Variants in MLIP observed in about 807,000 individuals in gnomAD.
MLIP encodes the protein muscular LMNA-interacting protein.
MLIP carries 79 observed loss-of-function variants against 84.8 expected under a neutral mutation model. The ratio of observed to expected loss-of-function variants is 0.93; its 90% CI spans 0.78 to 1.12. MLIP has a LOEUF of 1.12. Ranked by LOEUF, MLIP falls within the 50% of genes most tolerant of loss-of-function variation. The probability of loss-of-function intolerance (pLI) is 0.00; values close to 1 mark genes in which losing one functional copy is unlikely to be tolerated. For missense variants in MLIP, 1,257 were observed against 1,160.6 expected, an observed-to-expected ratio of 1.08 and a Z score of -1.21; for synonymous variants, 504 against 463.0, an observed-to-expected ratio of 1.09 and a Z score of -1.14.
intron 9 of MLIP, among the ~76,000 whole-genome samples, chr6:54,188,213 A>G (rs1246145787): frequency 6.6e-6 from 1 of 152,154 alleles, no homozygotes; most frequent in Admixed American, 6.5e-5. Context: ...AATGTGAAGA[A>G]CTAAGGTTAT....
intron 9 of MLIP, among the ~76,000 whole-genome samples, chr6:54,185,553 C>A (rs748345343): frequency 8.6e-5 from 13 of 151,958 alleles, no homozygotes; most frequent in Non-Finnish European, 1.9e-4. Context: ...CTCTTTTCCC[C>A]ATGATAATAA....
chr6:54,103,788 GC>G (rs1399691961), intron 1 of MLIP, among the ~76,000 whole-genome samples: 2 of 152,074 alleles, frequency 1.3e-5, no homozygotes, highest in Non-Finnish European at 2.9e-5. Context: ...TTCTTGGTAT[GC>G]TTATCTTTAT....
At chr6:54,148,557 T>C (rs1561983870) in intron 4 of MLIP, among the ~76,000 whole-genome samples, 1 of 152,182 alleles carries the variant, frequency 6.6e-6, no homozygotes, top group African/African-American at 2.4e-5. Flanking sequence ...GCTGCTTGTA[T>C]AAAAAATGGC....
intron 1 of MLIP, among the ~76,000 whole-genome samples, chr6:54,115,505 G>A (rs1367157475): frequency 6.6e-6 from 1 of 152,118 alleles, no homozygotes; most frequent in East Asian, 1.9e-4. Context: ...AATTACGGAA[G>A]GTTTGCAGCT....
intron 5 of MLIP, among the ~76,000 whole-genome samples, chr6:54,158,819 G>A (rs541118027): frequency 1.8e-4 from 27 of 152,058 alleles, no homozygotes; most frequent in African/African-American, 2.9e-4. Context: ...TTGCATCTCC[G>A]TTAAGAATCA....
intron 1 of MLIP, among the ~76,000 whole-genome samples, chr6:54,120,982 T>C (rs1305933101): frequency 6.6e-6 from 1 of 152,216 alleles, no homozygotes; most frequent in Non-Finnish European, 1.5e-5. Context: ...AGGCATACTT[T>C]CAACTTTAAA....
At chr6:54,135,813 T>C (rs1423678855) in intron 3 of MLIP, among the ~76,000 whole-genome samples, 1 of 152,188 alleles carries the variant, frequency 6.6e-6, no homozygotes, top group Non-Finnish European at 1.5e-5. Context: ...AAGTACTAGA[T>C]GATTTTTAAA....
intron 9 of MLIP, among the ~76,000 whole-genome samples, chr6:54,173,621 A>G (rs1582387887): frequency 6.6e-6 from 1 of 151,980 alleles, no homozygotes; most frequent in African/African-American, 2.4e-5. Context: ...GTAGGTATGT[A>G]TGGGGTACAT....
intron 9 of MLIP, among the ~76,000 whole-genome samples, chr6:54,176,130 T>C (rs765973332): frequency 3.0e-4 from 46 of 152,014 alleles, no homozygotes; most frequent in Admixed American, 1.3e-3. Context: ...TTTGTTTTGC[T>C]AGCATTTTGT....
At chr6:54,112,391 A>T (rs1769540849) in intron 1 of MLIP, among the ~76,000 whole-genome samples, 1 of 151,722 alleles carries the variant, frequency 6.6e-6, no homozygotes, top group Admixed American at 6.6e-5. Flanking sequence ...TTCCAACTGA[A>T]ATTCCTTGTG....
chr6:54,142,874 C>T (rs1772435196), intron 4 of MLIP, among the ~76,000 whole-genome samples: 1 of 151,966 alleles, frequency 6.6e-6, no homozygotes, highest in Non-Finnish European at 1.5e-5. Flanking sequence ...CAAACATTCA[C>T]CAAACATCAG....
upstream of MLIP, chr6:54,111,321 A>T (rs1488956575): frequency 1.6e-6 from 2 of 1,270,442 alleles, no homozygotes; most frequent in Non-Finnish European, 1.0e-6. Context: ...ACAGAAATCT[A>T]CTCTTCGGAG....
At chr6:54,083,829 G>A (rs1767318290) in intron 1 of MLIP, among the ~76,000 whole-genome samples, 1 of 152,140 alleles carries the variant, frequency 6.6e-6, no homozygotes, top group Middle Eastern at 3.2e-3. Flanking sequence ...ATTGCTCCAG[G>A]AAAAGTTGAT....
At chr6:54,022,672 TG>T (rs1456513217) in intron 1 of MLIP, among the ~76,000 whole-genome samples, 2 of 150,748 alleles carry the variant, frequency 1.3e-5, no homozygotes, top group Non-Finnish European at 2.9e-5. Flanking sequence ...AATTTCATAA[TG>T]AAAAGGAAAA....
intron 11 of MLIP, among the ~76,000 whole-genome samples, chr6:54,205,096 G>A (rs1778946100): frequency 6.6e-6 from 1 of 152,130 alleles, no homozygotes; most frequent in Non-Finnish European, 1.5e-5. Context: ...TTTTTATGTT[G>A]AGCTTTAACT....
intron 11 of MLIP, among the ~76,000 whole-genome samples, chr6:54,203,229 A>G (rs116747842): frequency 0.014 from 2,109 of 152,298 alleles, 40 homozygotes; most frequent in African/African-American, 0.047. Flanking sequence ...CAGAGATTTT[A>G]AATCTTTGTC....
chr6:54,057,017 T>C (rs1765700911), intron 1 of MLIP, among the ~76,000 whole-genome samples: 1 of 152,218 alleles, frequency 6.6e-6, no homozygotes. Context: ...ATTTATTGAA[T>C]GCTTACCTTT....
chr6:54,128,295 C>T (rs1395491723), intron 3 of MLIP, among the ~76,000 whole-genome samples: 1 of 151,738 alleles, frequency 6.6e-6, no homozygotes, highest in Non-Finnish European at 1.5e-5. Context: ...TGGAGATATT[C>T]GTCATATAAA....
chr6:54,204,315 AT>A, intron 11 of MLIP, among the ~76,000 whole-genome samples: 2 of 152,236 alleles, frequency 1.3e-5, no homozygotes, highest in East Asian at 3.9e-4. Context: ...TGGGGAAAAC[AT>A]TTTTTTATCA....
Sources: allele counts gnomAD v4.1 joint callset (sites outside exome capture counted in the v4.1 genomes callset), GRCh38; gene constraint gnomAD v4.1.1; transcripts MANE v1.5; gene names NCBI Gene and HGNC (gene_info 2026-07-23, HGNC 2026-07-21).